ZNF273: variants seen among roughly 807,000 people sequenced by gnomAD.
The protein encoded by ZNF273 is zinc finger protein 9.
A neutral mutation model predicts 14.9 loss-of-function variants in ZNF273; 11 were observed. That is an observed-to-expected ratio of 0.74 (90% CI 0.46 to 1.22). The LOEUF (loss-of-function observed/expected upper bound fraction) is 1.22, where lower values mean the gene tolerates loss of function less well. ZNF273 is among the 50% of genes most tolerant of loss of function. The probability of loss-of-function intolerance (pLI) is 0.00; values close to 1 mark genes in which losing one functional copy is unlikely to be tolerated. For missense variants in ZNF273, 577 were observed against 660.6 expected, an observed-to-expected ratio of 0.87 and a Z score of 1.39; for synonymous variants, 199 against 223.9, an observed-to-expected ratio of 0.89 and a Z score of 0.99.
chr7:64,892,593 G>A (rs2129044867), downstream of ZNF273, among the ~76,000 whole-genome samples: 1 of 152,278 alleles, frequency 6.6e-6, no homozygotes, highest in South Asian at 2.1e-4. Flanking sequence ...CAAGAGTGAG[G>A]TTAAGAGCAG....
upstream of ZNF273, among the ~76,000 whole-genome samples, chr7:64,899,768 T>G (rs1376973229): frequency 1.3e-4 from 20 of 151,948 alleles, no homozygotes; most frequent in East Asian, 1.9e-4. Flanking sequence ...AAGGTTTTTT[T>G]TTTTTTTTTG....
chr7:64,884,391 T>C (rs1047250504), downstream of ZNF273, among the ~76,000 whole-genome samples: 2 of 152,142 alleles, frequency 1.3e-5, no homozygotes, highest in African/African-American at 4.8e-5. Flanking sequence ...GGATCCACAG[T>C]GCCCCTCAAC....
intron 1 of ZNF273, among the ~76,000 whole-genome samples, chr7:64,905,182 C>G (rs777503152): frequency 2.1e-4 from 30 of 145,340 alleles, no homozygotes; most frequent in Non-Finnish European, 4.0e-4. Flanking sequence ...ATGGGGCGAT[C>G]GTGGCTCACT....
At chr7:64,926,239 A>G (rs77316367) in intron 3 of ZNF273, among the ~76,000 whole-genome samples, 5,906 of 147,242 alleles carry the variant, frequency 0.04, 182 homozygotes, top group East Asian at 0.16. Context: ...TGGTTTTCTC[A>G]TAAGACTATC....
intron 1 of ZNF273, among the ~76,000 whole-genome samples, chr7:64,913,682 A>G (rs1244891585): frequency 6.6e-6 from 1 of 152,230 alleles, no homozygotes; most frequent in Admixed American, 6.5e-5. Flanking sequence ...TGCTTCCTCT[A>G]ACTAGAGCTA....
chr7:64,886,033 T>C (rs1241374205), intron 1 of ZNF273, among the ~76,000 whole-genome samples: 2 of 144,664 alleles, frequency 1.4e-5, no homozygotes, highest in Non-Finnish European at 3.0e-5. Context: ...AGGTAGCTAC[T>C]GTGATAATTA....
chr7:64,921,971 C>T (rs1329137289), intron 3 of ZNF273, among the ~76,000 whole-genome samples: 1 of 152,050 alleles, frequency 6.6e-6, no homozygotes, highest in South Asian at 2.1e-4. Context: ...ATTATGACCA[C>T]CTCACCCAAT....
chr7:64,912,958 A>G (rs887049734), intron 1 of ZNF273, among the ~76,000 whole-genome samples: 3 of 150,174 alleles, frequency 2.0e-5, no homozygotes, highest in Non-Finnish European at 4.4e-5. Context: ...CCTCCCAAGT[A>G]GCTGGGACTA....
Position 64,915,163 on chromosome 7 carries a change from A to G in ZNF273, c.103-2418A>G, listed in dbSNP as rs183415479. On this transcript the variant is annotated intron_variant, in intron 1 of 3. Transcript: ENST00000476120. ...CTTTCTCTACATCGTGGCTTCTTAT[A>G]TTCCATGCAGAATTCTCACATGACT... Among the ~76,000 whole-genome samples, 8 of 139,660 alleles carry G rather than the reference A, an allele frequency of 5.7e-5. No individual in the cohort carries two copies. In the East Asian group the frequency reaches 1.4e-3, roughly 25 times the overall value. 91.6% of individuals were successfully genotyped at this position (139,660 alleles called of 152,430 possible). A position where few individuals can be genotyped will look rare whatever the true frequency, so the allele number is the denominator to read the frequency against.
At chr7:64,895,439 G>A (rs1178050721) in intron 3 of ZNF273, among the ~76,000 whole-genome samples, 3 of 152,110 alleles carry the variant, frequency 2.0e-5, no homozygotes, top group Non-Finnish European at 4.4e-5. Flanking sequence ...TGCTCAACCT[G>A]TTAATCAGTG....
At chr7:64,891,357 T>G (rs1425785546), downstream of ZNF273, among the ~76,000 whole-genome samples, 1 of 152,232 alleles carries the variant, frequency 6.6e-6, no homozygotes, top group East Asian at 1.9e-4. Flanking sequence ...CCTTGGTCTA[T>G]GGTGACCTTC....
chr7:64,916,892 T>A (rs548757712), intron 1 of ZNF273: 2 of 712,710 alleles, frequency 2.8e-6, no homozygotes, highest in African/African-American at 3.9e-5. Flanking sequence ...TTAATTATTT[T>A]TCTCTTCTTT....
Position 64,903,405 on chromosome 7 carries a change from G to A in ZNF273, c.88G>A (p.Gly30Arg), listed in dbSNP as rs1190153413. Residue 30 changes from glycine (G) to arginine (R), a missense_variant, in exon 1 of 4, where the codon GGA becomes AGA. By Grantham distance (125) the Gly-to-Arg change is moderately radical. Around this residue, in one of 3 missense-constraint regions of ZNF273, gnomAD observed 162 missense variants for 203.5 expected, o/e 0.80. Coordinates refer to ENST00000476120, the MANE Select transcript of ZNF273 (RefSeq NM_021148.3). Reference protein sequence around the residue: ...RSTAKTPGLPGSLEMGPLTFR... With the variant: ...RSTAKTPGLPRSLEMGPLTFR... The stretch of plus-strand genomic sequence containing the variant: ...CACAGCTAAGACGCCAGGACTCCCT[G>A]GAAGCCTAGAAATGGTGAGAGTGCC... The A allele has an allele frequency of 3.1e-6, 5 of 1,612,996 alleles. No individual in the cohort carries two copies. Among genetic ancestry groups the A allele is most frequent in the South Asian group, 2.2e-5 (2 of 91,076 alleles).
At chr7:64,889,039 G>C, downstream of ZNF273, 1 of 985,968 alleles carries the variant, frequency 1.0e-6, no homozygotes, top group Non-Finnish European at 1.2e-6. This position sits in a 1 kb window ranked among gnomAD's most constrained non-coding sequence, Gnocchi z 4.2. Context: ...TGTCCACAAA[G>C]CAGGAAGCGA....
rs1793620357 is a variant in ZNF273, at chr7:64,912,825, A to AGTTTTTTTTTTT, written c.103-4755_103-4744dup. Among the ~76,000 whole-genome samples the AGTTTTTTTTTTT allele has an allele frequency of 1.2e-4, 2 of 16,848 alleles. 1 individual carries two copies. Among genetic ancestry groups the AGTTTTTTTTTTT allele is most frequent in the Non-Finnish European group, 6.9e-4 (2 of 2,884 alleles). 11.1% of individuals were successfully genotyped at this position (16,848 alleles called of 152,430 possible). On this transcript the variant is annotated intron_variant, in intron 1 of 3. Transcript: ENST00000476120. ...TTCTTTTTGACTCAGGATTCATTTT[A>AGTTTTTTTTTTT]GTTTTTTTTTTTTTTTTTTTTGAGA...
chr7:64,937,177 T>A, the ZNF273 span, among the ~76,000 whole-genome samples: 1 of 152,246 alleles, frequency 6.6e-6, no homozygotes, highest in Non-Finnish European at 1.5e-5. Flanking sequence ...TAGCTTTTTA[T>A]GAAAGACTTA....
At chr7:64,909,986 T>G (rs1793377637) in intron 1 of ZNF273, among the ~76,000 whole-genome samples, 1 of 152,150 alleles carries the variant, frequency 6.6e-6, no homozygotes, top group Non-Finnish European at 1.5e-5. Context: ...ATGTGTGTCT[T>G]CTCTTGAAGA....
At chr7:64,911,501 G>C (rs1793510700) in intron 1 of ZNF273, among the ~76,000 whole-genome samples, 1 of 152,070 alleles carries the variant, frequency 6.6e-6, no homozygotes, top group Non-Finnish European at 1.5e-5. Context: ...GACCTGAGGT[G>C]ATCCACCCGC....
downstream of ZNF273, among the ~76,000 whole-genome samples, chr7:64,894,297 G>A (rs540053006): frequency 7.0e-6 from 1 of 142,164 alleles, no homozygotes; most frequent in Admixed American, 7.0e-5. Context: ...GAGCCTCCAT[G>A]TCCGGCCAAT....
Sources: gnomAD v4.1 joint callset for allele counts (sites outside exome capture counted in the v4.1 genomes callset) on GRCh38, gnomAD v4.1.1 for gene constraint, gnomAD v4.1.1 regional missense constraint, Gnocchi (gnomAD v3.1) non-coding constraint, MANE v1.5 for transcripts, NCBI Gene and HGNC (gene_info 2026-07-23, HGNC 2026-07-21) for gene names.